SHMT1: variants seen among roughly 807,000 people sequenced by gnomAD.
SHMT1 encodes the protein serine hydroxymethyltransferase, cytosolic.
In SHMT1, 45 loss-of-function variants were observed where a neutral mutation model predicts 49.0. The ratio of observed to expected loss-of-function variants is 0.92; its 90% CI spans 0.72 to 1.18. The LOEUF is 1.18. SHMT1 is among the 50% of genes most tolerant of loss of function. The pLI is 0.00. For missense variants in SHMT1, 541 were observed against 612.4 expected (o/e 0.88, Z 1.23); for synonymous variants, 232 against 246.6 (o/e 0.94, Z 0.55).
At chr17:18,356,757 C>T (rs1422708430) in intron 1 of SHMT1, among the ~76,000 whole-genome samples, 1 of 152,030 alleles carries the variant, frequency 6.6e-6, no homozygotes, top group Non-Finnish European at 1.5e-5. Flanking sequence ...ATTGCAAAAC[C>T]ACCATGTGGA....
intron 7 of SHMT1, among the ~76,000 whole-genome samples, chr17:18,337,097 T>C (rs1387874110): frequency 1.3e-5 from 2 of 152,170 alleles, no homozygotes; most frequent in Non-Finnish European, 2.9e-5. Flanking sequence ...CTAGAGCTTC[T>C]AGTGAGCCAA....
chr17:18,348,524 G>A, intron 3 of SHMT1, 84 bp from the exon 4 acceptor site: 1 of 962,538 alleles, frequency 1.0e-6, no homozygotes, highest in Non-Finnish European at 1.7e-6. Flanking sequence ...TTAGGGGTGG[G>A]ACAGTGAAAC....
At chr17:18,358,792 A>G (rs963867941) in intron 1 of SHMT1, among the ~76,000 whole-genome samples, 1 of 152,122 alleles carries the variant, frequency 6.6e-6, no homozygotes, top group African/African-American at 2.4e-5. Context: ...AGTCCCAGCT[A>G]TTCAGGAGGC....
intron 3 of SHMT1, among the ~76,000 whole-genome samples, chr17:18,349,964 G>A (rs1308308626): frequency 6.6e-6 from 1 of 151,928 alleles, no homozygotes; most frequent in Non-Finnish European, 1.5e-5. Context: ...AGGTTGCGGT[G>A]AGCCGAGATT....
At chr17:18,338,724 T>C (rs1984133293) in intron 7 of SHMT1, among the ~76,000 whole-genome samples, 1 of 152,212 alleles carries the variant, frequency 6.6e-6, no homozygotes, top group South Asian at 2.1e-4. Flanking sequence ...AGAAAAATTC[T>C]TCTGTTAATC....
intron 7 of SHMT1, among the ~76,000 whole-genome samples, chr17:18,338,090 C>T (rs533970589): frequency 3.1e-4 from 47 of 150,016 alleles, no homozygotes; most frequent in African/African-American, 1.1e-3. Flanking sequence ...AAGTGAGGAG[C>T]GCCTCTTCCC....
chr17:18,329,024 G>A (rs1982875494), intron 11 of SHMT1, 105 bp from the exon 12 acceptor site: 7 of 1,416,452 alleles, frequency 4.9e-6, no homozygotes, highest in South Asian at 1.2e-5. Flanking sequence ...GCTGGGGAGT[G>A]TGGCAGGGCA....
At chr17:18,344,779 T>C (rs1984910796) in intron 5 of SHMT1, among the ~76,000 whole-genome samples, 1 of 152,114 alleles carries the variant, frequency 6.6e-6, no homozygotes, top group South Asian at 2.1e-4. Flanking sequence ...CAGCAGTCAC[T>C]TAGGACCAGG....
intron 5 of SHMT1, among the ~76,000 whole-genome samples, chr17:18,342,645 C>T (rs1005889312): frequency 1.3e-5 from 2 of 151,924 alleles, no homozygotes; most frequent in Admixed American, 1.3e-4. Context: ...AAATCTAAAA[C>T]AATCGAACTG....
rs1983131043 is a variant in SHMT1, at chr17:18,330,832, C to T, written c.1055-161G>A. 1.8e-5 allele frequency: 12 copies of T among 682,368 alleles called. No homozygotes were observed. The East Asian group carries it at 3.3e-4, about 19-fold the overall frequency. 42.3% of individuals were successfully genotyped at this position (682,368 alleles called of 1,614,324 possible). ...GGATTCTAATCCCCACGAGAGATGCCCGTGCCTAAGAATGTGAAAGGAAGG... is the reference window on the plus strand; with the variant it reads ...GGATTCTAATCCCCACGAGAGATGCTCGTGCCTAAGAATGTGAAAGGAAGG... On this transcript the variant is annotated intron_variant, in intron 9 of 11. Coordinates refer to ENST00000316694, the MANE Select transcript of SHMT1 (RefSeq NM_004169.5).
Position 18,340,423 on chromosome 17 carries a change from C to T in SHMT1, c.602-168G>A. 1 of 763,144 alleles carries T rather than the reference C, an allele frequency of 1.3e-6. No individual in the cohort carries two copies. Among genetic ancestry groups the T allele is most frequent in the Non-Finnish European group, 2.2e-6 (1 of 448,606 alleles). 47.3% of individuals were successfully genotyped at this position (763,144 alleles called of 1,614,324 possible). A position where few individuals can be genotyped will look rare whatever the true frequency, so the allele number is the denominator to read the frequency against. ...TCAAAAAGCACCTCTGTGCTAAAGG[C>T]AACCACTCTAACTCTTCAACGTCTT... On this transcript the variant is annotated intron_variant, in intron 6 of 11. Transcript: ENST00000316694. This position sits in a 1 kb window ranked among gnomAD's most constrained non-coding sequence, Gnocchi z 4.5.
At chr17:18,342,063 C>T (rs921687665) in intron 5 of SHMT1, among the ~76,000 whole-genome samples, 8 of 152,136 alleles carry the variant, frequency 5.3e-5, no homozygotes, top group South Asian at 2.1e-4. Flanking sequence ...ATCTTAAGAA[C>T]TTGAAATCAG....
chr17:18,338,147 C>G (rs912793747), intron 7 of SHMT1, among the ~76,000 whole-genome samples: 1 of 151,200 alleles, frequency 6.6e-6, no homozygotes, highest in African/African-American at 2.4e-5. Context: ...GCCCGGCCGC[C>G]CATCATCTGA....
At chr17:18,352,277 G>C (rs1031709472) in intron 3 of SHMT1, among the ~76,000 whole-genome samples, 2 of 151,224 alleles carry the variant, frequency 1.3e-5, no homozygotes, top group Non-Finnish European at 2.9e-5. Context: ...CTCCCACGTA[G>C]CTGGGACTAC....
At chr17:18,337,965 C>T (rs1480050167) in intron 7 of SHMT1, among the ~76,000 whole-genome samples, 4 of 152,128 alleles carry the variant, frequency 2.6e-5, no homozygotes, top group East Asian at 3.9e-4. Flanking sequence ...CCCAAAGTGC[C>T]GAGATTGCAG....
intron 5 of SHMT1, among the ~76,000 whole-genome samples, chr17:18,342,317 T>A (rs1984609285): frequency 6.6e-6 from 1 of 152,108 alleles, no homozygotes; most frequent in Non-Finnish European, 1.5e-5. Context: ...AAATACTGCA[T>A]GATCTCACTT....
intron 7 of SHMT1, among the ~76,000 whole-genome samples, chr17:18,338,568 A>G (rs866199958): frequency 2.0e-5 from 3 of 152,354 alleles, no homozygotes; most frequent in Middle Eastern, 6.8e-3. Context: ...TGTACCCAAC[A>G]GCTCATTGAG....
At chr17:18,335,812 C>T (rs1983729967) in intron 7 of SHMT1, 137 bp from the exon 8 acceptor site, 11 of 753,630 alleles carry the variant, frequency 1.5e-5, no homozygotes, top group South Asian at 1.4e-4. Flanking sequence ...TGATTTGTAA[C>T]ACAGCGGAGC....
In SHMT1 at chr17:18,340,480, A is replaced by C. The variant is rs765881792; in HGVS notation, c.602-225T>G. Reference sequence around the variant, plus strand: ...TGAGATGGCCCCAACTACTATTGCCAGCGCAGTCAGGGCCTGACATTTCTA... The same window carrying C: ...TGAGATGGCCCCAACTACTATTGCCCGCGCAGTCAGGGCCTGACATTTCTA... On this transcript the variant is annotated intron_variant, in intron 6 of 11. Transcript: ENST00000316694. This position sits in a 1 kb window ranked among gnomAD's most constrained non-coding sequence, Gnocchi z 4.5. 1 of 669,358 alleles carries C rather than the reference A, an allele frequency of 1.5e-6. No individual in the cohort carries two copies. The highest frequency in any genetic ancestry group is 2.7e-6 in the Non-Finnish European group (1 of 376,634). The allele number at this position is 669,358 out of a possible 1,614,324, so 41.5% of individuals were successfully genotyped here. A position where few individuals can be genotyped will look rare whatever the true frequency, so the allele number is the denominator to read the frequency against.
Sources: gnomAD v4.1 joint callset for allele counts (sites outside exome capture counted in the v4.1 genomes callset) on GRCh38, gnomAD v4.1.1 for gene constraint, Gnocchi (gnomAD v3.1) non-coding constraint, MANE v1.5 for transcripts, NCBI Gene and HGNC (gene_info 2026-07-23, HGNC 2026-07-21) for gene names.